Variants in POLR3H observed in about 807,000 individuals in gnomAD.
The protein encoded by POLR3H is DNA-directed RNA polymerase III subunit RPC8.
Under a neutral mutation model 25.5 loss-of-function variants are expected in POLR3H, and 17 were observed. That is an observed-to-expected ratio of 0.67 (90% CI 0.46 to 1.00). The LOEUF is 1.00. Among genes scored for constraint, POLR3H ranks in the 50% least tolerant of loss-of-function variants. The probability of loss-of-function intolerance (pLI) is 0.00; values close to 1 mark genes in which losing one functional copy is unlikely to be tolerated. For missense variants in POLR3H, 274 were observed against 265.0 expected (o/e 1.03, Z -0.24); for synonymous variants, 129 against 103.0 (o/e 1.25, Z -1.53).
intron 1 of POLR3H, among the ~76,000 whole-genome samples, chr22:41,542,295 G>A (rs1234276720): frequency 6.6e-6 from 1 of 152,042 alleles, no homozygotes; most frequent in Non-Finnish European, 1.5e-5. Context: ...TGTTGGACAG[G>A]CTGGTCTCAA....
chr22:41,527,932 T>C lies in POLR3H; in HGVS notation c.*1351A>G, dbSNP rs1601938501. The C allele has an allele frequency of 6.2e-7, 1 of 1,614,140 alleles. No homozygotes were observed. The highest frequency in any genetic ancestry group is 8.5e-7 in the Non-Finnish European group (1 of 1,180,016). On this transcript the variant is annotated 3_prime_UTR_variant, in exon 6 of 6. Coordinates refer to ENST00000355209, the MANE Select transcript of POLR3H (RefSeq NM_001018050.4). ...ACCTGAAGAAACAGGGCCTGCTGCC[T>C]CTGACCTTCGCTGACCCGGCTGACT...
chr22:41,538,659 G>C (rs1395628184), intron 2 of POLR3H, among the ~76,000 whole-genome samples: 1 of 152,180 alleles, frequency 6.6e-6, no homozygotes, highest in Non-Finnish European at 1.5e-5. Flanking sequence ...CGGAGACTGG[G>C]CTCAGCTCGG....
rs183153466 is a variant in POLR3H, at chr22:41,535,943, G to A, written c.209-3198C>T. 3.0e-3 allele frequency among the ~76,000 whole-genome samples: 455 copies of A among 151,730 alleles called. 6 individuals are homozygous for A. The highest frequency in any genetic ancestry group is 0.01 in the African/African-American group (415 of 41,436). On this transcript the variant is annotated intron_variant, in intron 2 of 5. Coordinates refer to ENST00000355209, the MANE Select transcript of POLR3H (RefSeq NM_001018050.4). ...CGAGACTGCACCACTGCACTGCAGC[G>A]TGGGCGACAGAGTAAAACTCTTGCA...
At position 41,532,762 on chromosome 22, in the gene POLR3H, C is replaced by A. The variant is rs763277780; in HGVS notation, c.209-17G>T. The A allele has an allele frequency of 4.3e-6, 7 of 1,611,760 alleles. 1 individual carries two copies. In the East Asian group the frequency reaches 1.3e-4, roughly 31 times the overall value. ...GAAAATGGACTGGAAATGAAGACAG[C>A]CCATCAGTGATGCTGACCGGGGCCC... On this transcript the variant is annotated splice_polypyrimidine_tract_variant and intron_variant, in intron 2 of 5. Transcript: ENST00000355209.
Position 41,528,667 on chromosome 22 carries a change from A to G in POLR3H, c.*616T>C, listed in dbSNP as rs1431475405. The G allele has an allele frequency of 6.3e-7, 1 of 1,597,392 alleles. No homozygotes were observed. The highest frequency in any genetic ancestry group is 8.5e-7 in the Non-Finnish European group (1 of 1,174,624). On this transcript the variant is annotated 3_prime_UTR_variant, in exon 6 of 6. Transcript: ENST00000355209. ...CGTCAAGTTCAGCTCCACGTGTGCC[A>G]TCAGTGGATCCGATCCGTCCAGCCA...
chr22:41,533,144 G>C (rs2066774832), intron 2 of POLR3H, among the ~76,000 whole-genome samples: 1 of 152,242 alleles, frequency 6.6e-6, no homozygotes. Context: ...GCTCTGACCT[G>C]GAGAGGAGGC....
In POLR3H at chr22:41,527,563, G is replaced by C. The variant is rs763508818; in HGVS notation, c.*1720C>G. On this transcript the variant is annotated 3_prime_UTR_variant, in exon 6 of 6. Coordinates refer to ENST00000355209, the MANE Select transcript of POLR3H (RefSeq NM_001018050.4). Reference sequence around the variant, plus strand: ...CCCGTCAGCCTCTTGCCCCTTCTTAGGCTCACACAGTGCACATCCGACGCT... The same window carrying C: ...CCCGTCAGCCTCTTGCCCCTTCTTACGCTCACACAGTGCACATCCGACGCT... 1.7e-6 allele frequency: 2 copies of C among 1,188,080 alleles called. No individual in the cohort carries two copies. The highest frequency in any genetic ancestry group is 2.3e-6 in the Non-Finnish European group (2 of 859,186). The allele number at this position is 1,188,080 out of a possible 1,614,324, so 73.6% of individuals were successfully genotyped here.
rs377315414 is a variant in POLR3H at position 41,528,642 on chromosome 22, C to T, written c.*641G>A. 232 of 1,607,630 alleles carry T rather than the reference C, an allele frequency of 1.4e-4. No individual in the cohort carries two copies. Among genetic ancestry groups the T allele is most frequent in the African/African-American group, 2.3e-4 (17 of 74,884 alleles). On this transcript the variant is annotated 3_prime_UTR_variant, in exon 6 of 6. Coordinates refer to ENST00000355209, the MANE Select transcript of POLR3H (RefSeq NM_001018050.4). The stretch of plus-strand genomic sequence containing the variant: ...CAGTGCCTCCCCGCCCCGCCGCTGG[C>T]GTCAAGTTCAGCTCCACGTGTGCCA...
chr22:41,532,653 T>C lies in POLR3H; in HGVS notation c.295+6A>G. On this transcript the variant is annotated splice_donor_region_variant and intron_variant, in intron 3 of 5. Coordinates refer to ENST00000355209, the MANE Select transcript of POLR3H (RefSeq NM_001018050.4). ...GTCTTGTCTGAGGCGTCAGGGCCACTGTTACCGTGCACTCCTTCTGGGCTG... is the reference window on the plus strand; with the variant it reads ...GTCTTGTCTGAGGCGTCAGGGCCACCGTTACCGTGCACTCCTTCTGGGCTG... The C allele has an allele frequency of 6.2e-7, 1 of 1,614,028 alleles. No homozygotes were observed. Among genetic ancestry groups the C allele is most frequent in the Non-Finnish European group, 8.5e-7 (1 of 1,179,960 alleles).
chr22:41,529,425 C>T, intron 5 of POLR3H, 89 bp from the exon 6 acceptor site: 2 of 1,206,778 alleles, frequency 1.7e-6, no homozygotes, highest in Non-Finnish European at 2.4e-6. Context: ...GCAGGCCCAG[C>T]ACAGGCAAAG....
chr22:41,533,665 A>T, intron 2 of POLR3H: 1 of 1,304,030 alleles, frequency 7.7e-7, no homozygotes, highest in Non-Finnish European at 1.0e-6. Flanking sequence ...GCATGAGGAG[A>T]GGCAGCCGAT....
chr22:41,536,726 C>T (rs1230839753), intron 2 of POLR3H, among the ~76,000 whole-genome samples: 7 of 151,486 alleles, frequency 4.6e-5, no homozygotes, highest in South Asian at 2.1e-4. Flanking sequence ...ATTAGCCAGG[C>T]GTGGTGGTGG....
Position 41,527,436 on chromosome 22 carries a change from T to C in POLR3H, c.*1847A>G. ...AGGATCCACGGTGAGCTGGAGTCTGTACCCAGGCCATCCTCATCCCATCCC... is the reference window on the plus strand; with the variant it reads ...AGGATCCACGGTGAGCTGGAGTCTGCACCCAGGCCATCCTCATCCCATCCC... On this transcript the variant is annotated 3_prime_UTR_variant, in exon 6 of 6. Transcript: ENST00000355209. The C allele has an allele frequency of 1.2e-6, 2 of 1,600,042 alleles. No homozygotes were observed. Among genetic ancestry groups the C allele is most frequent in the Non-Finnish European group, 1.7e-6 (2 of 1,173,534 alleles).
At position 41,527,321 on chromosome 22, in the gene POLR3H, G is replaced by A. The variant is rs2066622042; in HGVS notation, c.*1962C>T. On this transcript the variant is annotated 3_prime_UTR_variant, in exon 6 of 6. Coordinates refer to ENST00000355209, the MANE Select transcript of POLR3H (RefSeq NM_001018050.4). ...CATCAGGTGGGTGGTGATCGGAGAC[G>A]AGAACTACGGCGAGGGCTCGAGCCG... The A allele has an allele frequency of 6.2e-7, 1 of 1,614,202 alleles. No individual in the cohort carries two copies. Among genetic ancestry groups the A allele is most frequent in the Non-Finnish European group, 8.5e-7 (1 of 1,180,026 alleles).
chr22:41,528,319 C>G lies in POLR3H; in HGVS notation c.*964G>C. The G allele has an allele frequency of 5.5e-6, 6 of 1,093,406 alleles. No homozygotes were observed. Among genetic ancestry groups the G allele is most frequent in the Non-Finnish European group, 7.7e-6 (6 of 782,630 alleles). The allele number at this position is 1,093,406 out of a possible 1,614,324, so 67.7% of individuals were successfully genotyped here. On this transcript the variant is annotated 3_prime_UTR_variant, in exon 6 of 6. Transcript: ENST00000355209. ...CCCAGGAATCCCCTGTAGGTGCCAC[C>G]TGGGTCTGACCTGGGCCATCAGGCA...
intron 2 of POLR3H, chr22:41,540,015 A>G (rs4822036): frequency 0.2 from 33,981 of 168,666 alleles, 4,375 homozygotes; most frequent in Admixed American, 0.39. Flanking sequence ...AATCTATCCT[A>G]AACTGCAGTT....
In POLR3H at chr22:41,526,592, A is replaced by G; in HGVS notation, c.*2691T>C. The G allele has an allele frequency of 2.2e-6, 2 of 911,442 alleles. No individual in the cohort carries two copies. Among genetic ancestry groups the G allele is most frequent in the Non-Finnish European group, 3.2e-6 (2 of 631,218 alleles). 56.5% of individuals were successfully genotyped at this position (911,442 alleles called of 1,614,324 possible). Reference sequence around the variant, plus strand: ...AAAGGGGACTGCTGTGGAAGGGAGGAGAGGCCTGCAGCCCCTCCCTGTGGC... The same window carrying G: ...AAAGGGGACTGCTGTGGAAGGGAGGGGAGGCCTGCAGCCCCTCCCTGTGGC... On this transcript the variant is annotated 3_prime_UTR_variant, in exon 6 of 6. Coordinates refer to ENST00000355209, the MANE Select transcript of POLR3H (RefSeq NM_001018050.4).
At position 41,525,991 on chromosome 22, in the gene POLR3H, C is replaced by A; in HGVS notation, c.*3292G>T. 2.5e-6 allele frequency: 1 copy of A among 398,866 alleles called. No homozygotes were observed. Among genetic ancestry groups the A allele is most frequent in the Non-Finnish European group, 4.5e-6 (1 of 220,428 alleles). The allele number at this position is 398,866 out of a possible 1,614,324, so 24.7% of individuals were successfully genotyped here. On this transcript the variant is annotated 3_prime_UTR_variant, in exon 6 of 6. Coordinates refer to ENST00000355209, the MANE Select transcript of POLR3H (RefSeq NM_001018050.4). ...AGCTGAGGCCTGAAGGGTGAGCGAA[C>A]ATTGACCTGTCCCAACTTTGGGCGG...
chr22:41,528,175 T>A lies in POLR3H; in HGVS notation c.*1108A>T. 1 of 1,245,848 alleles carries A rather than the reference T, an allele frequency of 8.0e-7. No homozygotes were observed. The highest frequency in any genetic ancestry group is 1.5e-5 in the South Asian group (1 of 68,724). 77.2% of individuals were successfully genotyped at this position (1,245,848 alleles called of 1,614,324 possible). A position where few individuals can be genotyped will look rare whatever the true frequency, so the allele number is the denominator to read the frequency against. On this transcript the variant is annotated 3_prime_UTR_variant, in exon 6 of 6. Coordinates refer to ENST00000355209, the MANE Select transcript of POLR3H (RefSeq NM_001018050.4). ...AGGTGGCCCCACAGAGAAAGCAAAG[T>A]GGCTTCTCAGAGTTGGGGGTTGGAG...
Sources: gnomAD v4.1 joint callset for allele counts (sites outside exome capture counted in the v4.1 genomes callset) on GRCh38, gnomAD v4.1.1 for gene constraint, MANE v1.5 for transcripts, NCBI Gene and HGNC (gene_info 2026-07-23, HGNC 2026-07-21) for gene names.